Variants in ZNF804B observed in about 807,000 individuals in gnomAD.
ZNF804B encodes the protein zinc finger protein 804B.
In ZNF804B, 80 loss-of-function variants were observed where a neutral mutation model predicts 101.4. The observed-to-expected ratio is 0.79, with a 90% CI of 0.66 to 0.95. ZNF804B has a LOEUF of 0.95. ZNF804B is among the 40% of genes least tolerant of loss of function. ZNF804B has a pLI of 0.00. For synonymous variants in ZNF804B, 622 were observed against 558.8 expected, an observed-to-expected ratio of 1.11 and a Z score of -1.59; for missense variants, 1,673 against 1,561.9, an observed-to-expected ratio of 1.07 and a Z score of -1.20.
At chr7:89,195,246 A>AAAAC (rs1416345161) in intron 1 of ZNF804B, among the ~76,000 whole-genome samples, 1 of 148,860 alleles carries the variant, frequency 6.7e-6, no homozygotes, top group Non-Finnish European at 1.5e-5. Context: ...TGAATGGGCA[A>AAAAC]AAACTGGAAG....
At chr7:88,785,413 G>A (rs946954557) in intron 1 of ZNF804B, among the ~76,000 whole-genome samples, 1 of 152,048 alleles carries the variant, frequency 6.6e-6, no homozygotes, top group Non-Finnish European at 1.5e-5. Flanking sequence ...CTCTTTCCTA[G>A]ATTGTTGTAA....
At chr7:89,216,683 G>C (rs891970184) in intron 1 of ZNF804B, among the ~76,000 whole-genome samples, 1 of 151,892 alleles carries the variant, frequency 6.6e-6, no homozygotes, top group Non-Finnish European at 1.5e-5. Flanking sequence ...TCTTATATTT[G>C]GGCTTAAATC....
At chr7:88,921,787 A>G (rs911660741) in intron 1 of ZNF804B, among the ~76,000 whole-genome samples, 9 of 152,060 alleles carry the variant, frequency 5.9e-5, no homozygotes, top group African/African-American at 1.9e-4. Context: ...GGAAAAATGT[A>G]TATGTTTAGG....
At chr7:89,253,829 A>G (rs1178514415) in intron 2 of ZNF804B, among the ~76,000 whole-genome samples, 2 of 152,166 alleles carry the variant, frequency 1.3e-5, no homozygotes, top group Non-Finnish European at 2.9e-5. Flanking sequence ...ATATAGGTAT[A>G]ATCTAAGCTG....
intron 1 of ZNF804B, among the ~76,000 whole-genome samples, chr7:89,176,889 G>C (rs1321568799): frequency 6.6e-6 from 1 of 151,466 alleles, no homozygotes; most frequent in African/African-American, 2.4e-5. Flanking sequence ...TGTAGAATTT[G>C]GCCATTTCTT....
At chr7:88,908,019 T>C (rs1792497762) in intron 1 of ZNF804B, among the ~76,000 whole-genome samples, 1 of 151,838 alleles carries the variant, frequency 6.6e-6, no homozygotes, top group Non-Finnish European at 1.5e-5. Context: ...ATTCCTTAGT[T>C]AGTCAGTTAA....
At chr7:88,915,132 A>G (rs1792613599) in intron 1 of ZNF804B, among the ~76,000 whole-genome samples, 1 of 152,110 alleles carries the variant, frequency 6.6e-6, no homozygotes, top group African/African-American at 2.4e-5. Context: ...TATCAATCAC[A>G]TTTTAAGAGA....
intron 1 of ZNF804B, among the ~76,000 whole-genome samples, chr7:88,967,576 A>G (rs1584044185): frequency 6.7e-6 from 1 of 149,482 alleles, no homozygotes; most frequent in South Asian, 2.1e-4. Context: ...TTTAAATTGC[A>G]AAGGTAACCA....
At chr7:88,932,081 T>A (rs561644859) in intron 1 of ZNF804B, among the ~76,000 whole-genome samples, 1 of 151,762 alleles carries the variant, frequency 6.6e-6, no homozygotes, top group Admixed American at 6.6e-5. Flanking sequence ...GGAGTCTTCA[T>A]AAGGAAATGA....
At chr7:88,963,902 C>CA (rs1378951966) in intron 1 of ZNF804B, among the ~76,000 whole-genome samples, 4 of 151,140 alleles carry the variant, frequency 2.6e-5, no homozygotes, top group African/African-American at 4.8e-5. Context: ...GATAAATGCC[C>CA]AACAAATGCA....
chr7:89,036,709 A>G (rs1788934098), intron 1 of ZNF804B, among the ~76,000 whole-genome samples: 1 of 152,088 alleles, frequency 6.6e-6, no homozygotes, highest in Non-Finnish European at 1.5e-5. Context: ...TTTCCTGGTA[A>G]TCTAATTTAA....
intron 3 of ZNF804B, among the ~76,000 whole-genome samples, chr7:89,328,660 G>T (rs1020544363): frequency 6.6e-6 from 1 of 151,726 alleles, no homozygotes; most frequent in East Asian, 1.9e-4. Context: ...TTGTTGTTAG[G>T]GTAGCATGCA....
chr7:89,034,388 T>G (rs1369522347), intron 1 of ZNF804B, among the ~76,000 whole-genome samples: 1 of 152,116 alleles, frequency 6.6e-6, no homozygotes, highest in Non-Finnish European at 1.5e-5. Context: ...CTCCTAATGC[T>G]ATCCCTCCCC....
chr7:88,783,362 C>T (rs1790256963), intron 1 of ZNF804B, among the ~76,000 whole-genome samples: 1 of 152,018 alleles, frequency 6.6e-6, no homozygotes, highest in African/African-American at 2.4e-5. Context: ...TGGGGACTAC[C>T]TCTAGCTTCC....
At chr7:88,896,171 C>A (rs62464065) in intron 1 of ZNF804B, among the ~76,000 whole-genome samples, 4,929 of 152,190 alleles carry the variant, frequency 0.032, 118 homozygotes, top group Non-Finnish European at 0.046. Flanking sequence ...AATCCACTAC[C>A]CTAGTGTAAC....
intron 1 of ZNF804B, among the ~76,000 whole-genome samples, chr7:89,017,700 C>T (rs1289738734): frequency 6.6e-6 from 1 of 152,108 alleles, no homozygotes; most frequent in Non-Finnish European, 1.5e-5. Context: ...TTTCTTTCAT[C>T]AGTGTTGTAT....
chr7:89,145,486 A>G (rs977704596), intron 1 of ZNF804B, among the ~76,000 whole-genome samples: 1 of 152,070 alleles, frequency 6.6e-6, no homozygotes, highest in Admixed American at 6.6e-5. Flanking sequence ...AATATCTACT[A>G]TGTGTCCAGT....
At chr7:89,230,438 C>T (rs1296621488) in intron 2 of ZNF804B, among the ~76,000 whole-genome samples, 1 of 151,878 alleles carries the variant, frequency 6.6e-6, no homozygotes, top group East Asian at 1.9e-4. Context: ...CAAACTCATA[C>T]AAGAAGAAAA....
At chr7:89,225,622 C>A (rs1789078442) in intron 2 of ZNF804B, among the ~76,000 whole-genome samples, 1 of 152,054 alleles carries the variant, frequency 6.6e-6, no homozygotes, top group Admixed American at 6.5e-5. Flanking sequence ...ATTGACTAAT[C>A]ATTTCTTAAG....
Sources: gnomAD v4.1 joint callset for allele counts (sites outside exome capture counted in the v4.1 genomes callset) on GRCh38, gnomAD v4.1.1 for gene constraint, MANE v1.5 for transcripts, NCBI Gene and HGNC (gene_info 2026-07-23, HGNC 2026-07-21) for gene names.